Variants in C14orf39 observed in about 807,000 individuals in gnomAD.
C14orf39 encodes protein SIX6OS1.
A neutral mutation model predicts 85.6 loss-of-function variants in C14orf39; 66 were observed. That is an observed-to-expected ratio of 0.77 (90% CI 0.63 to 0.95). The LOEUF is 0.95. C14orf39 is among the 40% of genes least tolerant of loss of function. C14orf39 has a pLI of 0.00. For missense variants in C14orf39, 735 were observed against 663.9 expected, an observed-to-expected ratio of 1.11 and a Z score of -1.18; for synonymous variants, 242 against 214.0, an observed-to-expected ratio of 1.13 and a Z score of -1.14.
intron 1 of C14orf39, among the ~76,000 whole-genome samples, chr14:60,503,517 T>G (rs950201587): frequency 6.6e-6 from 1 of 152,222 alleles, no homozygotes; most frequent in African/African-American, 2.4e-5. Context: ...TTTGAGTCTA[T>G]GTTTTAAACC....
At chr14:60,510,022 G>A (rs1272274642) in intron 1 of C14orf39, 1 of 1,492,300 alleles carries the variant, frequency 6.7e-7, no homozygotes, top group East Asian at 2.4e-5. Context: ...GGAGGCGGGT[G>A]GAGGCACCTC....
rs545444330 is a variant in C14orf39 at position 60,440,080 on chromosome 14, A to C, written c.1561+1994T>G. ...ACAAGAGCGAAACTCTGTCTCAAAA[A>C]AAAAGAGGATGTAAATAGATTTAAA... On this transcript the variant is annotated intron_variant, in intron 17 of 17. Coordinates refer to ENST00000321731, the MANE Select transcript of C14orf39 (RefSeq NM_174978.3). 1.3e-4 allele frequency among the ~76,000 whole-genome samples: 20 copies of C among 152,354 alleles called. No homozygotes were observed. In the South Asian group the frequency reaches 2.9e-3, roughly 22 times the overall value.
chr14:60,495,344 G>T, intron 2 of C14orf39: 1 of 215,120 alleles, frequency 4.6e-6, no homozygotes, highest in South Asian at 8.4e-5. Context: ...TTATAGTTTG[G>T]TCCCACCCCA....
chr14:60,486,532 G>A (rs1314711151), upstream of C14orf39, among the ~76,000 whole-genome samples: 1 of 152,104 alleles, frequency 6.6e-6, no homozygotes, highest in African/African-American at 2.4e-5. Context: ...TGACTCATTT[G>A]CTCAGTTTCA....
In C14orf39 at chr14:60,484,202, C is replaced by A. The variant is rs575048457; in HGVS notation, c.107-385G>T. The stretch of plus-strand genomic sequence containing the variant: ...TCTGTTTTTGACAAATGTGAAATTT[C>A]TATTCATCAATTCTATGTCAATTAT... On this transcript the variant is annotated intron_variant, in intron 3 of 17. Coordinates refer to ENST00000321731, the MANE Select transcript of C14orf39 (RefSeq NM_174978.3). The surrounding 1 kb of genome is among the most constrained non-coding windows in gnomAD (Gnocchi z 4.2). Among the ~76,000 whole-genome samples the A allele has an allele frequency of 6.6e-6, 1 of 152,240 alleles. No individual in the cohort carries two copies. Among genetic ancestry groups the A allele is most frequent in the East Asian group, 1.9e-4 (1 of 5,192 alleles).
chr14:60,474,889 T>G (rs1164778881), intron 5 of C14orf39, among the ~76,000 whole-genome samples: 1 of 152,220 alleles, frequency 6.6e-6, no homozygotes, highest in East Asian at 1.9e-4. Context: ...TCACCAGGCT[T>G]TGGTATCAGG....
At chr14:60,450,718 G>A (rs778864674) in intron 16 of C14orf39, among the ~76,000 whole-genome samples, 1 of 152,144 alleles carries the variant, frequency 6.6e-6, no homozygotes, top group African/African-American at 2.4e-5. Flanking sequence ...AAGACCCAAT[G>A]CTATGCTGGC....
At chr14:60,443,753 G>A (rs890482041) in intron 16 of C14orf39, among the ~76,000 whole-genome samples, 5 of 152,194 alleles carry the variant, frequency 3.3e-5, no homozygotes, top group Non-Finnish European at 5.9e-5. Context: ...TAGCCTGACT[G>A]GGAGACATCT....
chr14:60,471,203 T>C (rs779544632), intron 7 of C14orf39, among the ~76,000 whole-genome samples: 17 of 151,954 alleles, frequency 1.1e-4, no homozygotes, highest in African/African-American at 2.2e-4. Flanking sequence ...CCCAAATACA[T>C]ATGCCATTTT....
chr14:60,481,263 G>T (rs2140154594), intron 4 of C14orf39, among the ~76,000 whole-genome samples: 1 of 151,712 alleles, frequency 6.6e-6, no homozygotes, highest in South Asian at 2.1e-4. Context: ...TCTGTGTATG[G>T]AAAAAAAAGA....
chr14:60,496,220 G>C, intron 2 of C14orf39: 1 of 415,412 alleles, frequency 2.4e-6, no homozygotes, highest in Non-Finnish European at 4.9e-6. Context: ...ATTCAGATCT[G>C]CTGGGTGAGC....
At chr14:60,454,316 G>C (rs910762067) in intron 16 of C14orf39, among the ~76,000 whole-genome samples, 3 of 151,800 alleles carry the variant, frequency 2.0e-5, no homozygotes, top group Admixed American at 6.6e-5. Context: ...TTATTAAGTG[G>C]TTGGTACTTT....
chr14:60,469,325 A>G (rs1423636007), intron 8 of C14orf39, among the ~76,000 whole-genome samples: 1 of 147,886 alleles, frequency 6.8e-6, no homozygotes, highest in Non-Finnish European at 1.5e-5. Flanking sequence ...ACAAATTAAT[A>G]TAAAATATAT....
At chr14:60,499,615 T>C (rs1282301961) in intron 1 of C14orf39, among the ~76,000 whole-genome samples, 1 of 152,224 alleles carries the variant, frequency 6.6e-6, no homozygotes, top group African/African-American at 2.4e-5. Flanking sequence ...AGATTATTTT[T>C]ATAACTGGCA....
intron 1 of C14orf39, among the ~76,000 whole-genome samples, chr14:60,507,987 T>C (rs1423358033): frequency 1.3e-5 from 2 of 152,222 alleles, no homozygotes; most frequent in African/African-American, 2.4e-5. Context: ...GGACTGCCAA[T>C]TGGGAATCAA....
At chr14:60,470,432 T>C (rs1166042789) in intron 7 of C14orf39, among the ~76,000 whole-genome samples, 1 of 152,052 alleles carries the variant, frequency 6.6e-6, no homozygotes, top group East Asian at 1.9e-4. Flanking sequence ...AAGTGAATCA[T>C]GATTTATAAG....
At chr14:60,510,122 C>G (rs1251782098) in intron 1 of C14orf39, 4 of 715,116 alleles carry the variant, frequency 5.6e-6, no homozygotes, top group Non-Finnish European at 9.5e-6. Flanking sequence ...GTTCTGGGCT[C>G]CTGGCCGGGA....
intron 16 of C14orf39, among the ~76,000 whole-genome samples, chr14:60,448,681 G>A (rs897817574): frequency 4.6e-5 from 7 of 152,140 alleles, no homozygotes; most frequent in African/African-American, 1.7e-4. Flanking sequence ...CCATTACTGG[G>A]TATATACCCA....
intron 13 of C14orf39, 91 bp from the exon 14 acceptor site, chr14:60,458,830 G>GCTGTTTTAAC: frequency 9.1e-7 from 1 of 1,104,732 alleles, no homozygotes; most frequent in Admixed American, 2.1e-5. Context: ...CTAATATTTA[G>GCTGTTTTAAC]CTGTTTTAAC....
Sources: allele counts gnomAD v4.1 joint callset (sites outside exome capture counted in the v4.1 genomes callset), GRCh38; gene constraint gnomAD v4.1.1; non-coding constraint Gnocchi (gnomAD v3.1); transcripts MANE v1.5; gene names NCBI Gene and HGNC (gene_info 2026-07-23, HGNC 2026-07-21).